The following MADD variants were observed in gnomAD, a reference collection of about 807,000 sequenced individuals.
The protein encoded by MADD is MAP kinase-activating death domain protein.
Under a neutral mutation model 176.7 loss-of-function variants are expected in MADD, and 109 were observed. That is an observed-to-expected ratio of 0.62 (90% CI 0.53 to 0.72). MADD has a LOEUF of 0.72. Ranked by LOEUF, MADD falls within the 30% of genes least tolerant of loss-of-function variation. The pLI is 0.00. For missense variants in MADD, 1,914 were observed against 2,045.5 expected, an observed-to-expected ratio of 0.94 and a Z score of 1.24; for synonymous variants, 771 against 771.3, an observed-to-expected ratio of 1.00 and a Z score of 0.01.
intron 15 of MADD, among the ~76,000 whole-genome samples, 156 bp downstream of exon 16, chr11:47,289,183 CTGCTGGTGCATGT>C (rs2063200311): frequency 6.6e-6 from 1 of 152,126 alleles, no homozygotes; most frequent in South Asian, 2.1e-4. Flanking sequence ...ATGGGGCTTG[CTGCTGGTGCATGT>C]GGAGTGGCCT....
chr11:47,288,113 C>G (rs1268102097), intron 15 of MADD, among the ~76,000 whole-genome samples: 1 of 152,172 alleles, frequency 6.6e-6, no homozygotes, highest in Non-Finnish European at 1.5e-5. Context: ...TAACTGACCT[C>G]TCATTCCTAG....
At chr11:47,271,451 G>C in intron 1 of MADD, among the ~76,000 whole-genome samples, 1 of 149,956 alleles carries the variant, frequency 6.7e-6, no homozygotes, top group East Asian at 1.9e-4. Context: ...CAAGATCTCA[G>C]GGTCCTTGTG....
chr11:47,282,577 C>G, exon 9 of MADD: 1 of 1,614,206 alleles, frequency 6.2e-7, no homozygotes, highest in Non-Finnish European at 8.5e-7. Context: ...GGAATGGATC[C>G]TTAACCCCAC....
At chr11:47,274,237 GT>G (rs2047706183) in intron 2 of MADD, among the ~76,000 whole-genome samples, 3 of 152,304 alleles carry the variant, frequency 2.0e-5, no homozygotes, top group Middle Eastern at 3.4e-3. Context: ...AAAAGAAAAA[GT>G]ACATTATAAG....
intron 8 of MADD, 105 bp from the exon 9 acceptor site, chr11:47,282,276 G>A: frequency 2.4e-6 from 2 of 819,444 alleles, no homozygotes; most frequent in South Asian, 3.1e-5. Context: ...TCCCCTTGAT[G>A]TTGGAAGCCT....
At chr11:47,290,610 A>G (rs746096399) in exon 19 of MADD, 2 of 1,612,910 alleles carry the variant, frequency 1.2e-6, no homozygotes, top group Admixed American at 3.3e-5. Flanking sequence ...TTTCCCTCAG[A>G]ACCAGACAAG....
At position 47,282,947 on chromosome 11, in the gene MADD, G is replaced by GA; in HGVS notation, c.1841dup (p.Asp614GlufsTer6). Reference sequence around the variant, plus strand: ...GAGTGTACCACCAGAGCGGGACTCTGACTCCGAACCTACTGATGATAGGTG... The same window carrying GA: ...GAGTGTACCACCAGAGCGGGACTCTGAACTCCGAACCTACTGATGATAGGTG... On this transcript the variant is annotated frameshift_variant, in exon 10 of 33. Coordinates refer to ENST00000402192, the Ensembl canonical transcript of MADD. LOFTEE classifies it high-confidence loss of function. The GA allele has an allele frequency of 6.2e-7, 1 of 1,613,754 alleles. No homozygotes were observed. The highest frequency in any genetic ancestry group is 8.5e-7 in the Non-Finnish European group (1 of 1,180,014).
chr11:47,278,034 A>G (rs1360131076), intron 5 of MADD, 131 bp from the exon 6 acceptor site: 6 of 669,338 alleles, frequency 9.0e-6, no homozygotes, highest in African/African-American at 5.3e-5. Flanking sequence ...CTGAATTTTC[A>G]AATACATCTG....
rs267602902 is a variant in MADD, at chr11:47,326,780, C to T, written c.4585C>T (p.Arg1529Ter). 3.1e-6 allele frequency: 5 copies of T among 1,614,060 alleles called. No homozygotes were observed. The highest frequency in any genetic ancestry group is 2.2e-5 in the South Asian group (2 of 91,068). ...TCACATTAAAAAGTGCAATACAGTT[C>T]GAGGCGTCTTTGTCCTGGAGGAATT... Residue 1529 changes from arginine (R) to a stop codon, truncating the protein, a stop_gained, in exon 31 of 33, where the codon CGA (arginine) becomes TGA (stop). Coordinates refer to ENST00000402192, the Ensembl canonical transcript of MADD. LOFTEE classifies it high-confidence loss of function.
chr11:47,301,574 G>A (rs2077803540), intron 22 of MADD, among the ~76,000 whole-genome samples: 1 of 152,048 alleles, frequency 6.6e-6, no homozygotes, highest in Admixed American at 6.6e-5. Flanking sequence ...ATTGCTATAA[G>A]CTTCTTTCTT....
At chr11:47,278,193 T>A (rs748618890) in exon 6 of MADD, 1 of 1,613,940 alleles carries the variant, frequency 6.2e-7, no homozygotes, top group Non-Finnish European at 8.5e-7. Flanking sequence ...CCGTACATCA[T>A]TGGGGTTCCT....
chr11:47,326,010 G>A (rs1477748717), intron 30 of MADD, among the ~76,000 whole-genome samples: 2 of 152,226 alleles, frequency 1.3e-5, no homozygotes, highest in African/African-American at 2.4e-5. Flanking sequence ...TCCTGGTGGA[G>A]CTGTGCAGTC....
intron 27 of MADD, among the ~76,000 whole-genome samples, chr11:47,317,887 A>G (rs2093533046): frequency 6.6e-6 from 1 of 151,528 alleles, no homozygotes; most frequent in Non-Finnish European, 1.5e-5. Context: ...CTCCTGCCTC[A>G]GCCTCCCAAG....
At position 47,274,790 on chromosome 11, in the gene MADD, T is replaced by TCTAC; in HGVS notation, c.292_295dup (p.Arg99LeufsTer10). 1 of 1,614,226 alleles carries TCTAC rather than the reference T, an allele frequency of 6.2e-7. No homozygotes were observed. Reference sequence around the variant, plus strand: ...ACGCGATATGGCATCTGTGTTAACTTCTACCGCTCCTTCCAAAAGCGAATC... The same window carrying TCTAC: ...ACGCGATATGGCATCTGTGTTAACTTCTACCTACCGCTCCTTCCAAAAGCGAATC... On this transcript the variant is annotated frameshift_variant, in exon 3 of 33. Coordinates refer to ENST00000402192, the Ensembl canonical transcript of MADD. LOFTEE classifies it high-confidence loss of function.
intron 22 of MADD, among the ~76,000 whole-genome samples, chr11:47,297,612 AATTTTTTGT>A (rs759999722): frequency 2.7e-4 from 40 of 150,764 alleles, no homozygotes; most frequent in Non-Finnish European, 4.9e-4. Context: ...ACGCCCAGCT[AATTTTTTGT>A]ATTTTTAGTG....
chr11:47,289,046 C>G lies in MADD; in HGVS notation c.2654-345C>G. ...GGTGAAGGTGGGTCTTGCCTGTGAG[C>G]TGTGCATGATCTTTTTTTTTTCTCT... On this transcript the variant is annotated intron_variant, in intron 15 of 32. Coordinates refer to ENST00000402192, the Ensembl canonical transcript of MADD. The G allele has an allele frequency of 4.4e-6, 7 of 1,581,950 alleles. No individual in the cohort carries two copies. The highest frequency in any genetic ancestry group is 6.0e-6 in the Non-Finnish European group (7 of 1,170,806).
chr11:47,324,654 C>A, intron 30 of MADD, 77 bp downstream of exon 33: 1 of 974,096 alleles, frequency 1.0e-6, no homozygotes, highest in Non-Finnish European at 1.6e-6. Flanking sequence ...CCCAGTACTT[C>A]CCCAGCAAGC....
At chr11:47,276,688 TA>T (rs1188992721) in intron 4 of MADD, 43 bp from the exon 5 acceptor site, 1 of 1,602,084 alleles carries the variant, frequency 6.2e-7, no homozygotes, top group East Asian at 2.2e-5. Context: ...TTGTAAACCA[TA>T]TTTTATGTTT....
At chr11:47,303,896 C>T (rs1185775339) in intron 22 of MADD, among the ~76,000 whole-genome samples, 1 of 152,208 alleles carries the variant, frequency 6.6e-6, no homozygotes, top group Non-Finnish European at 1.5e-5. Flanking sequence ...GCGTGAGCCA[C>T]CGCATCTGGC....
Sources: allele counts gnomAD v4.1 joint callset (sites outside exome capture counted in the v4.1 genomes callset), GRCh38; gene constraint gnomAD v4.1.1; transcripts MANE v1.5; gene names NCBI Gene and HGNC (gene_info 2026-07-23, HGNC 2026-07-21).